The following LRIG1 variants were observed in gnomAD, a reference collection of about 807,000 sequenced individuals.
The protein encoded by LRIG1 is leucine rich repeats and immunoglobulin like domains 1, also known as leucine-rich repeats and immunoglobulin-like domains protein 1.
LRIG1 carries 48 observed loss-of-function variants against 99.2 expected under a neutral mutation model. The ratio of observed to expected loss-of-function variants is 0.48; its 90% confidence interval spans 0.38 to 0.62. The LOEUF (loss-of-function observed/expected upper bound fraction) is 0.62. Ranked by LOEUF, LRIG1 falls within the 20% of genes least tolerant of loss-of-function variation. The pLI is 0.00. For synonymous variants in LRIG1, 772 were observed against 596.1 expected (o/e 1.29, Z -4.30); for missense variants, 1,646 against 1,434.4 (o/e 1.15, Z -2.38).
intron 3 of LRIG1, among the ~76,000 whole-genome samples, chr3:66,418,221 C>T (rs562090784): frequency 1.3e-5 from 2 of 152,074 alleles, no homozygotes; most frequent in African/African-American, 4.8e-5. Flanking sequence ...CCTCCCAGAT[C>T]GCTGGGATTA....
chr3:66,446,756 A>G (rs1200663622), intron 3 of LRIG1, among the ~76,000 whole-genome samples: 1 of 152,072 alleles, frequency 6.6e-6, no homozygotes, highest in Admixed American at 6.5e-5. Flanking sequence ...GGTCACAGCA[A>G]AATATAGTTA....
intron 1 of LRIG1, among the ~76,000 whole-genome samples, chr3:66,487,783 G>A (rs1485174709): frequency 6.6e-6 from 1 of 152,168 alleles, no homozygotes; most frequent in East Asian, 1.9e-4. Context: ...CCTGTTTTGA[G>A]CTCAGAAAGC....
chr3:66,472,710 G>A (rs933233497), intron 1 of LRIG1, among the ~76,000 whole-genome samples: 2 of 152,188 alleles, frequency 1.3e-5, no homozygotes, highest in African/African-American at 4.8e-5. Context: ...CTATAGCAGT[G>A]ACTCTTGGTT....
intron 2 of LRIG1, among the ~76,000 whole-genome samples, chr3:66,456,440 G>A (rs1700222411): frequency 1.3e-5 from 2 of 152,192 alleles, no homozygotes; most frequent in Non-Finnish European, 2.9e-5. Context: ...AGGAGTGGTT[G>A]TGCACGCCTG....
In LRIG1 at chr3:66,457,406, T is replaced by C. The variant is rs1416920692; in HGVS notation, c.290+5032A>G. On this transcript the variant is annotated intron_variant, in intron 2 of 18. Transcript: ENST00000273261. ...TGTTCTAGGCAGCAGGGAATTCATC[T>C]CATCCATCTCACAGAACAGGGAGTG... Among the ~76,000 whole-genome samples the C allele has an allele frequency of 4.6e-5, 7 of 152,176 alleles. No homozygotes were observed. In the East Asian group the frequency reaches 1.4e-3, roughly 29 times the overall value.
rs1700934807 is a variant in LRIG1, at chr3:66,379,969, AT to A, written c.*293del. ...AAAATAATATTGTCAAAATTGTATA[AT>A]TTTTTTCTGTTAACCATGCACTAAA... On this transcript the variant is annotated 3_prime_UTR_variant, in exon 19 of 19. Transcript: ENST00000273261. 9.0e-6 allele frequency: 2 copies of A among 221,912 alleles called. No homozygotes were observed. Among genetic ancestry groups the A allele is most frequent in the Non-Finnish European group, 1.8e-5 (2 of 113,036 alleles). 13.7% of individuals were successfully genotyped at this position (221,912 alleles called of 1,614,324 possible).
chr3:66,467,206 G>A lies in LRIG1; in HGVS notation c.219-4697C>T, dbSNP rs117799076. Among the ~76,000 whole-genome samples the A allele has an allele frequency of 3.3e-4, 50 of 152,252 alleles. 1 individual carries two copies. In the East Asian group the frequency reaches 6.0e-3, roughly 18 times the overall value. The stretch of plus-strand genomic sequence containing the variant: ...CCCTTGCCCCAACCCCAAGGAATCC[G>A]AAGAGCTAAAGTCCTTCAATAGCTG... On this transcript the variant is annotated intron_variant, in intron 1 of 18. Transcript: ENST00000273261.
intron 8 of LRIG1, 27 bp from the exon 9 acceptor site, chr3:66,405,305 C>T (rs749674578): frequency 6.9e-6 from 11 of 1,587,142 alleles, no homozygotes; most frequent in Non-Finnish European, 8.7e-6. Flanking sequence ...AAGCAGCTCA[C>T]CGAGCAGTCG....
At chr3:66,404,294 C>T (rs1309353599) in intron 9 of LRIG1, 58 of 1,289,398 alleles carry the variant, frequency 4.5e-5, no homozygotes, top group South Asian at 1.2e-4. Context: ...ACTTGACACT[C>T]GCACTCTGCT....
intron 9 of LRIG1, chr3:66,401,738 C>T (rs1001766520): frequency 1.6e-6 from 2 of 1,244,740 alleles, no homozygotes; most frequent in Non-Finnish European, 2.2e-6. Context: ...TATTTCTGTA[C>T]CACAGCCGGG....
intron 3 of LRIG1, among the ~76,000 whole-genome samples, chr3:66,437,386 C>T (rs1703395409): frequency 6.6e-6 from 1 of 152,238 alleles, no homozygotes; most frequent in Admixed American, 6.5e-5. Context: ...GGGGCAAGCC[C>T]TGTCCACCTC....
At chr3:66,495,887 T>C (rs1251211571) in intron 1 of LRIG1, among the ~76,000 whole-genome samples, 2 of 152,114 alleles carry the variant, frequency 1.3e-5, no homozygotes, top group South Asian at 2.1e-4. Context: ...GGCCCTTTCA[T>C]TGTGATCATG....
chr3:66,386,272 G>A lies in LRIG1; in HGVS notation c.1498C>T (p.Gln500Ter). Residue 500 changes from glutamine to a stop codon, truncating the protein, a stop_gained, in exon 13 of 19, where the codon CAG becomes TAG. Transcript: ENST00000273261. LOFTEE classifies it high-confidence loss of function. The stretch of plus-strand genomic sequence containing the variant: ...ACCATAGCCATGGTGGTTTCTGGCT[G>A]GGTGATGATCTGTGGCTTCAGGAAG... ...DDFLKPQIITQPETTMAMVGK... is the reference protein window; with the variant it reads ...DDFLKPQIIT The A allele has an allele frequency of 1.2e-6, 2 of 1,614,120 alleles. No individual in the cohort carries two copies. Among genetic ancestry groups the A allele is most frequent in the Non-Finnish European group, 1.7e-6 (2 of 1,179,996 alleles).
chr3:66,483,091 T>A (rs1191654419), intron 1 of LRIG1, among the ~76,000 whole-genome samples: 1 of 151,988 alleles, frequency 6.6e-6, no homozygotes, highest in African/African-American at 2.4e-5. Context: ...AAGACAGTAA[T>A]CTGCCTAGAC....
In LRIG1 at chr3:66,380,123, G is replaced by C. The variant is rs904959492; in HGVS notation, c.*140C>G. 3.0e-6 allele frequency: 2 copies of C among 663,956 alleles called. No individual in the cohort carries two copies. Among genetic ancestry groups the C allele is most frequent in the Middle Eastern group, 3.3e-4 (1 of 3,052 alleles). The allele number at this position is 663,956 out of a possible 1,614,324, so 41.1% of individuals were successfully genotyped here. A position where few individuals can be genotyped will look rare whatever the true frequency, so the allele number is the denominator to read the frequency against. On this transcript the variant is annotated 3_prime_UTR_variant, in exon 19 of 19. Coordinates refer to ENST00000273261, the MANE Select transcript of LRIG1 (RefSeq NM_015541.3). ...TGCGTTTACTGTGCTTCAGATCCAA[G>C]TCCTGTGAGCGACTGATACTCCACA...
At chr3:66,404,517 A>T (rs1030316695) in intron 9 of LRIG1, 1 of 809,330 alleles carries the variant, frequency 1.2e-6, no homozygotes, top group East Asian at 7.4e-5. Context: ...TGGGCTTTGG[A>T]GCCAAACAAG....
At chr3:66,490,664 G>A (rs1001862996) in intron 1 of LRIG1, among the ~76,000 whole-genome samples, 3 of 151,784 alleles carry the variant, frequency 2.0e-5, no homozygotes, top group Admixed American at 6.6e-5. Flanking sequence ...AAAATGCATT[G>A]GAGCGTGCTT....
At chr3:66,409,056 A>T (rs1207820762) in intron 7 of LRIG1, among the ~76,000 whole-genome samples, 3 of 151,866 alleles carry the variant, frequency 2.0e-5, no homozygotes, top group Non-Finnish European at 4.4e-5. Context: ...AAGAATCCAC[A>T]TTAGATTCAC....
rs1559766398 is a variant in LRIG1, at chr3:66,383,995, GAC to G, written c.2065_2066del (p.Val689ProfsTer48). ...GSISANATLT[V>X]LETPSLVVPL... ...ACAGTAGAGCAATAGGCAAACCTAG[GAC>G]AGTCAGGGTGGCATTAGCTGAAATA... is the stretch of plus-strand genomic sequence containing the variant. On this transcript the variant is annotated frameshift_variant, in exon 14 of 19. Coordinates refer to ENST00000273261, the MANE Select transcript of LRIG1 (RefSeq NM_015541.3). LOFTEE classifies it high-confidence loss of function. 2 of 1,610,116 alleles carry G rather than the reference GAC, an allele frequency of 1.2e-6. No individual in the cohort carries two copies. The highest frequency in any genetic ancestry group is 1.7e-6 in the Non-Finnish European group (2 of 1,178,568).
Sources: allele counts gnomAD v4.1 joint callset (sites outside exome capture counted in the v4.1 genomes callset), GRCh38; gene constraint gnomAD v4.1.1; transcripts MANE v1.5; gene names NCBI Gene and HGNC (gene_info 2026-07-23, HGNC 2026-07-21).